Variants in SSUH2 observed in about 807,000 individuals in gnomAD.
The protein encoded by SSUH2 is ssu-2 homolog, also known as protein SSUH2 homolog.
SSUH2 carries 47 observed loss-of-function variants against 55.3 expected under a neutral mutation model. The observed-to-expected ratio is 0.85, with a 90% CI of 0.67 to 1.08. SSUH2 has a LOEUF of 1.08. Among genes scored for constraint, SSUH2 ranks in the 50% least tolerant of loss-of-function variants. The probability of loss-of-function intolerance (pLI) is 0.00; values close to 1 mark genes in which losing one functional copy is unlikely to be tolerated. For missense variants in SSUH2, 535 were observed against 490.7 expected (o/e 1.09, Z -0.85); for synonymous variants, 212 against 191.5 (o/e 1.11, Z -0.89).
intron 3 of SSUH2, 121 bp from the exon 4 acceptor site, chr3:8,633,916 A>G: frequency 6.2e-7 from 1 of 1,614,042 alleles, no homozygotes; most frequent in Non-Finnish European, 8.5e-7. Context: ...TAAAGCCCTC[A>G]GCAGTCCAAC....
At chr3:8,674,405 A>T (rs528551260) in intron 3 of SSUH2, among the ~76,000 whole-genome samples, 1 of 152,328 alleles carries the variant, frequency 6.6e-6, no homozygotes, top group Admixed American at 6.5e-5. Flanking sequence ...CAGAAGGGTT[A>T]TTGGACTGAG....
chr3:8,642,883 A>G (rs1295723931), intron 1 of SSUH2, among the ~76,000 whole-genome samples: 1 of 152,158 alleles, frequency 6.6e-6, no homozygotes, highest in African/African-American at 2.4e-5. Flanking sequence ...AACTTTTTCT[A>G]AAAGTTTCCC....
At chr3:8,678,444 C>T (rs1705598870) in intron 2 of SSUH2, among the ~76,000 whole-genome samples, 1 of 151,888 alleles carries the variant, frequency 6.6e-6, no homozygotes, top group South Asian at 2.1e-4. Flanking sequence ...AATTATTATC[C>T]TCTCCGCCTC....
chr3:8,652,414 G>C (rs73125184), intron 7 of SSUH2, among the ~76,000 whole-genome samples: 1,832 of 152,276 alleles, frequency 0.012, 37 homozygotes, highest in African/African-American at 0.04. Flanking sequence ...ACTAATAGCA[G>C]CTGCCTTCCA....
chr3:8,623,673 GA>G lies in SSUH2; in HGVS notation c.874-18del. 1 of 1,395,838 alleles carries G rather than the reference GA, an allele frequency of 7.2e-7. No individual in the cohort carries two copies. The highest frequency in any genetic ancestry group is 1.4e-5 in the African/African-American group (1 of 69,934). The allele number at this position is 1,395,838 out of a possible 1,614,324, so 86.5% of individuals were successfully genotyped here. ...GGGGTACACCTGGGGGAAAGAGAGAGAGACACAGACCACCTGGCTGCCGCAC... is the reference window on the plus strand; with the variant it reads ...GGGGTACACCTGGGGGAAAGAGAGAGGACACAGACCACCTGGCTGCCGCAC... On this transcript the variant is annotated intron_variant, in intron 10 of 11. Transcript: ENST00000544814.
upstream of SSUH2, among the ~76,000 whole-genome samples, chr3:8,647,109 C>CAG (rs1701777285): frequency 6.6e-6 from 1 of 152,156 alleles, no homozygotes; most frequent in African/African-American, 2.4e-5. Flanking sequence ...TAGGGTAGGG[C>CAG]AGAGCTTTAG....
intron 1 of SSUH2, among the ~76,000 whole-genome samples, chr3:8,643,958 A>G (rs375888553): frequency 2.9e-4 from 44 of 152,178 alleles, no homozygotes; most frequent in African/African-American, 9.6e-4. Flanking sequence ...CTGGCCTCCC[A>G]CTTCTCAGTC....
In SSUH2 at chr3:8,627,752, C is replaced by A; in HGVS notation, c.620G>T (p.Arg207Leu). Residue 207 changes from arginine to leucine, a missense_variant, in exon 8 of 12, where the codon CGC (arginine) becomes CTC (leucine). Physicochemically the swap from Arg to Leu is moderately radical, Grantham distance 102. Coordinates refer to ENST00000544814, the MANE Select transcript of SSUH2 (RefSeq NM_001256748.3). ...ACATCTCCGGGACTGCTTGGCTTTG[C>A]GCTTGGCTCCGCAGCAGGATGGGCA... is the stretch of plus-strand genomic sequence containing the variant. ...VRCPSCCGAK[R>L]KAKQSRRCQL... The A allele has an allele frequency of 3.1e-6, 5 of 1,610,114 alleles. No individual in the cohort carries two copies. The South Asian group carries it at 3.3e-5, about 11-fold the overall frequency.
chr3:8,646,129 G>T (rs1009096833), upstream of SSUH2, among the ~76,000 whole-genome samples: 2 of 152,078 alleles, frequency 1.3e-5, no homozygotes, highest in Admixed American at 6.5e-5. Flanking sequence ...TGGTAAATGG[G>T]GTTATCATGA....
chr3:8,646,742 G>C (rs573626300), upstream of SSUH2, among the ~76,000 whole-genome samples: 1 of 152,198 alleles, frequency 6.6e-6, no homozygotes, highest in Non-Finnish European at 1.5e-5. Context: ...GGAACAAGCA[G>C]CATTAGCTCT....
intron 1 of SSUH2, among the ~76,000 whole-genome samples, chr3:8,643,382 A>G (rs938074194): frequency 4.6e-5 from 7 of 152,232 alleles, no homozygotes; most frequent in African/African-American, 1.4e-4. Context: ...TCATAAATGG[A>G]AAGACTGCTA....
In SSUH2 at chr3:8,619,739, T is replaced by G; in HGVS notation, c.*129A>C. On this transcript the variant is annotated 3_prime_UTR_variant, in exon 12 of 12. Transcript: ENST00000544814. Reference sequence around the variant, plus strand: ...GGAGCTTGATAGATGATAAGCTGGTTTTTCTGGAAGGACATGCCAGGGTTT... The same window carrying G: ...GGAGCTTGATAGATGATAAGCTGGTGTTTCTGGAAGGACATGCCAGGGTTT... The G allele has an allele frequency of 8.8e-7, 1 of 1,139,206 alleles. No individual in the cohort carries two copies. Among genetic ancestry groups the G allele is most frequent in the Non-Finnish European group, 1.2e-6 (1 of 810,922 alleles). The allele number at this position is 1,139,206 out of a possible 1,614,324, so 70.6% of individuals were successfully genotyped here.
chr3:8,631,978 G>A, intron 5 of SSUH2, 71 bp downstream of exon 5: 1 of 1,266,038 alleles, frequency 7.9e-7, no homozygotes, highest in South Asian at 1.2e-5. Flanking sequence ...CCTGAGCCAA[G>A]TCCTGATATT....
At chr3:8,651,257 G>A (rs994958692) in intron 7 of SSUH2, among the ~76,000 whole-genome samples, 4 of 152,238 alleles carry the variant, frequency 2.6e-5, no homozygotes, top group Non-Finnish European at 5.9e-5. Flanking sequence ...TGTCATAAAT[G>A]CTTCGGGATC....
At chr3:8,675,489 G>A (rs1377449257) in intron 3 of SSUH2, among the ~76,000 whole-genome samples, 2 of 152,330 alleles carry the variant, frequency 1.3e-5, no homozygotes, top group East Asian at 3.9e-4. Context: ...ACCAGCACCT[G>A]GAGGACTGTG....
chr3:8,672,796 A>G (rs1704744405), intron 3 of SSUH2, among the ~76,000 whole-genome samples: 1 of 152,180 alleles, frequency 6.6e-6, no homozygotes, highest in Non-Finnish European at 1.5e-5. Context: ...TTCCAGGAAT[A>G]TGAGGAGGAA....
At chr3:8,677,542 C>T (rs1356620768) in intron 2 of SSUH2, 2 of 150,776 alleles carry the variant, frequency 1.3e-5, no homozygotes, top group Admixed American at 6.6e-5. Flanking sequence ...CTTCTGGCAG[C>T]CCCAGCCCTG....
chr3:8,676,681 A>AT (rs1705318132), intron 3 of SSUH2, among the ~76,000 whole-genome samples: 1 of 149,722 alleles, frequency 6.7e-6, no homozygotes. Flanking sequence ...CCCTTTCAGG[A>AT]TATTAATAAC....
At chr3:8,648,378 T>G (rs985308426), upstream of SSUH2, among the ~76,000 whole-genome samples, 1 of 152,176 alleles carries the variant, frequency 6.6e-6, no homozygotes, top group Non-Finnish European at 1.5e-5. Flanking sequence ...CCTGGCTACT[T>G]AGTGGCTTGG....
Sources: gnomAD v4.1 joint callset for allele counts (sites outside exome capture counted in the v4.1 genomes callset) on GRCh38, gnomAD v4.1.1 for gene constraint, MANE v1.5 for transcripts, NCBI Gene and HGNC (gene_info 2026-07-23, HGNC 2026-07-21) for gene names.